Variants in MAP3K4 observed in about 807,000 individuals in gnomAD.
MAP3K4 encodes the protein MAP three kinase 1.
Under a neutral mutation model 185.6 loss-of-function variants are expected in MAP3K4, and 67 were observed. The observed-to-expected ratio is 0.36, with a 90% CI of 0.30 to 0.44. The LOEUF is 0.44. MAP3K4 is among the 20% of genes least tolerant of loss of function. The probability of loss-of-function intolerance (pLI) is 1.00; values close to 1 mark genes in which losing one functional copy is unlikely to be tolerated. For synonymous variants in MAP3K4, 702 were observed against 710.4 expected (o/e 0.99, Z 0.19); for missense variants, 1,551 against 1,995.1 (o/e 0.78, Z 4.24).
chr6:161,057,640 T>C (rs1164350877), intron 3 of MAP3K4, among the ~76,000 whole-genome samples: 1 of 152,124 alleles, frequency 6.6e-6, no homozygotes, highest in Non-Finnish European at 1.5e-5. Context: ...CCAGCAACAG[T>C]GTAGTTCTGG....
chr6:161,094,186 C>T (rs1325768740), intron 15 of MAP3K4, among the ~76,000 whole-genome samples: 1 of 152,164 alleles, frequency 6.6e-6, no homozygotes, highest in Non-Finnish European at 1.5e-5. Flanking sequence ...CGTTGTCTGC[C>T]AAGCAACAGG....
intron 1 of MAP3K4, among the ~76,000 whole-genome samples, chr6:161,013,183 T>C (rs563231296): frequency 1.3e-5 from 2 of 152,216 alleles, no homozygotes; most frequent in African/African-American, 4.8e-5. Flanking sequence ...TACTAAAAAC[T>C]GTTTGCTAAT....
chr6:161,067,924 A>T lies in MAP3K4; in HGVS notation c.1708-2684A>T, dbSNP rs1028592135. ...TGTCACTAACATAATTACTGTTGGC[A>T]TTAGGAGTACAATAGGGAATTTGAG... is the stretch of plus-strand genomic sequence containing the variant. On this transcript the variant is annotated intron_variant, in intron 3 of 26. Transcript: ENST00000392142. This position sits in a 1 kb window ranked among gnomAD's most constrained non-coding sequence, Gnocchi z 6.3. Among the ~76,000 whole-genome samples, 1 of 152,242 alleles carries T rather than the reference A, an allele frequency of 6.6e-6. No homozygotes were observed. Among genetic ancestry groups the T allele is most frequent in the Non-Finnish European group, 1.5e-5 (1 of 68,040 alleles).
chr6:161,020,257 G>C (rs1583119143), intron 1 of MAP3K4, among the ~76,000 whole-genome samples: 1 of 147,950 alleles, frequency 6.8e-6, no homozygotes, highest in East Asian at 2.1e-4. Flanking sequence ...TGAAAACTAT[G>C]GACTTTTCTT....
chr6:161,005,347 C>G (rs1781536260), intron 1 of MAP3K4, among the ~76,000 whole-genome samples: 1 of 151,808 alleles, frequency 6.6e-6, no homozygotes, highest in Non-Finnish European at 1.5e-5. Context: ...TCCACGTTGC[C>G]CAGACTGGTC....
In MAP3K4 at chr6:161,111,934, G is replaced by A; in HGVS notation, c.4495G>A (p.Val1499Met). The A allele has an allele frequency of 6.2e-7, 1 of 1,614,200 alleles. No individual in the cohort carries two copies. Among genetic ancestry groups the A allele is most frequent in the Non-Finnish European group, 8.5e-7 (1 of 1,180,024 alleles). Residue 1499 changes from valine (V) to methionine (M), a missense_variant, in exon 24 of 27, where the codon GTG (valine) becomes ATG (methionine). This residue lies in a region of MAP3K4 where 159 missense variants were observed against 300.5 expected (regional missense o/e 0.53). Coordinates refer to ENST00000392142, the MANE Select transcript of MAP3K4 (RefSeq NM_005922.4). ...CAATGCCCAGACCATGCCTGGTGAA[G>A]TGAACAGCACCCTGGGGACAGCAGG... ...KNNAQTMPGE[V>M]NSTLGTAAYM... is the part of the protein sequence containing the mutation.
intron 13 of MAP3K4, 150 bp downstream of exon 13, chr6:161,092,293 A>C: frequency 1.1e-6 from 1 of 909,096 alleles, no homozygotes; most frequent in Non-Finnish European, 1.6e-6. Flanking sequence ...ATGGAAAAAT[A>C]TGTAGAGAAA....
Position 161,107,040 on chromosome 6 carries a change from ACACGCG to A in MAP3K4, c.4048+337_4048+342del, listed in dbSNP as rs1260823325. Among the ~76,000 whole-genome samples, 2 of 50,722 alleles carry A rather than the reference ACACGCG, an allele frequency of 3.9e-5. No homozygotes were observed. The highest frequency in any genetic ancestry group is 7.2e-5 in the Non-Finnish European group (2 of 27,794). The allele number at this position is 50,722 out of a possible 152,430, so 33.3% of individuals were successfully genotyped here. ...TTCTAGTTTCTCTCTCTCTCTCTAC[ACACGCG>A]CGCGCACACACACACACACACACAC... On this transcript the variant is annotated intron_variant, in intron 20 of 26. Coordinates refer to ENST00000392142, the MANE Select transcript of MAP3K4 (RefSeq NM_005922.4). This position sits in a 1 kb window ranked among gnomAD's most constrained non-coding sequence, Gnocchi z 6.2.
rs548961315 is a variant in MAP3K4, at chr6:161,093,926, G to A, written c.3427+75G>A. 2.0e-5 allele frequency: 22 copies of A among 1,085,120 alleles called. No individual in the cohort carries two copies. The highest frequency in any genetic ancestry group is 2.0e-4 in the Middle Eastern group (1 of 5,022). 67.2% of individuals were successfully genotyped at this position (1,085,120 alleles called of 1,614,324 possible). On this transcript the variant is annotated intron_variant, in intron 15 of 26. Transcript: ENST00000392142. This position sits in a 1 kb window ranked among gnomAD's most constrained non-coding sequence, Gnocchi z 5.2. The stretch of plus-strand genomic sequence containing the variant: ...GACAGATCCTCTTGTAATTGCAGTC[G>A]TTTAAAATGGTATAAGAGGTGTTTT...
Position 161,115,798 on chromosome 6 carries a change from G to A in MAP3K4, c.4806+496G>A, listed in dbSNP as rs1447934396. Among the ~76,000 whole-genome samples the A allele has an allele frequency of 6.6e-6, 1 of 152,144 alleles. No individual in the cohort carries two copies. The highest frequency in any genetic ancestry group is 1.5e-5 in the Non-Finnish European group (1 of 68,038). On this transcript the variant is annotated intron_variant, in intron 26 of 26. Coordinates refer to ENST00000392142, the MANE Select transcript of MAP3K4 (RefSeq NM_005922.4). The surrounding 1 kb of genome is among the most constrained non-coding windows in gnomAD (Gnocchi z 6.0). ...ATGGAAGACAAAGTAAAGAAACTTG[G>A]AAACGCTCACCCTTCCGGGAGAGTG... is the stretch of plus-strand genomic sequence containing the variant.
At chr6:161,019,591 T>A (rs958404440) in intron 1 of MAP3K4, among the ~76,000 whole-genome samples, 2 of 152,150 alleles carry the variant, frequency 1.3e-5, no homozygotes, top group African/African-American at 4.8e-5. Context: ...ATTTTTCTAG[T>A]AGAGACAGGG....
chr6:161,060,429 G>T (rs1025925169), intron 3 of MAP3K4, among the ~76,000 whole-genome samples: 1 of 152,050 alleles, frequency 6.6e-6, no homozygotes, highest in African/African-American at 2.4e-5. Flanking sequence ...TGTCATTAAT[G>T]TATTGAAGTA....
chr6:161,083,350 G>T (rs1356062688), intron 6 of MAP3K4, among the ~76,000 whole-genome samples: 1 of 152,068 alleles, frequency 6.6e-6, no homozygotes, highest in Non-Finnish European at 1.5e-5. Context: ...GGCTTTTACT[G>T]GTTTTGTTTG....
intron 3 of MAP3K4, among the ~76,000 whole-genome samples, chr6:161,052,088 G>A (rs1784025551): frequency 6.6e-6 from 1 of 152,162 alleles, no homozygotes; most frequent in Non-Finnish European, 1.5e-5. Flanking sequence ...TTATAGGAGA[G>A]CAGCACATGA....
intron 3 of MAP3K4, among the ~76,000 whole-genome samples, chr6:161,055,819 G>A (rs932071626): frequency 6.6e-6 from 1 of 152,120 alleles, no homozygotes; most frequent in African/African-American, 2.4e-5. Flanking sequence ...GGTTTCTCCA[G>A]GAGTTACTAT....
Position 161,067,353 on chromosome 6 carries a change from A to G in MAP3K4, c.1708-3255A>G. 1 of 370,692 alleles carries G rather than the reference A, an allele frequency of 2.7e-6. No individual in the cohort carries two copies. The highest frequency in any genetic ancestry group is 2.1e-5 in the South Asian group (1 of 47,020). The allele number at this position is 370,692 out of a possible 1,614,324, so 23.0% of individuals were successfully genotyped here. ...GAATTTCTGATTAGCTTCCTTATGC[A>G]TCGATCTCAGTGAGCAGAGGGAACA... On this transcript the variant is annotated intron_variant, in intron 3 of 26. Coordinates refer to ENST00000392142, the MANE Select transcript of MAP3K4 (RefSeq NM_005922.4). The surrounding 1 kb of genome is among the most constrained non-coding windows in gnomAD (Gnocchi z 6.3).
rs187129018 is a variant in MAP3K4, at chr6:161,018,651, G to A, written c.153-15608G>A. Among the ~76,000 whole-genome samples the A allele has an allele frequency of 6.2e-3, 940 of 152,228 alleles. 1 individual carries two copies. The highest frequency in any genetic ancestry group is 0.058 in the Middle Eastern group (17 of 294). On this transcript the variant is annotated intron_variant, in intron 1 of 26. Coordinates refer to ENST00000392142, the MANE Select transcript of MAP3K4 (RefSeq NM_005922.4). ...CAGTAAAATCCAGGTAACAACAACA[G>A]AAAATGTATAATATCCAACATCTAA...
At position 161,026,169 on chromosome 6, in the gene MAP3K4, G is replaced by C. The variant is rs186383868; in HGVS notation, c.153-8090G>C. ...TTTTTGAGATGGAGTCTTGCTCTGTGGCCCAGGCTGGAGTGCAGTGGCGCG... is the reference window on the plus strand; with the variant it reads ...TTTTTGAGATGGAGTCTTGCTCTGTCGCCCAGGCTGGAGTGCAGTGGCGCG... On this transcript the variant is annotated intron_variant, in intron 1 of 26. Transcript: ENST00000392142. 2.6e-3 allele frequency among the ~76,000 whole-genome samples: 389 copies of C among 151,708 alleles called. 1 individual carries two copies. Among genetic ancestry groups the C allele is most frequent in the African/African-American group, 8.9e-3 (368 of 41,370 alleles).
rs1317219687 is a variant in MAP3K4 at position 161,034,336 on chromosome 6, C to T, written c.230C>T (p.Thr77Ile). 1 of 1,613,838 alleles carries T rather than the reference C, an allele frequency of 6.2e-7. No homozygotes were observed. The highest frequency in any genetic ancestry group is 1.3e-5 in the African/African-American group (1 of 74,994). ...GAAGACTTCTCCGATGAAACAAATA[C>T]AGAGAATCTTTATGGTACCTCTCCC... ...DLEDFSDETN[T>I]ENLYGTSPPS... Residue 77 changes from threonine (T) to isoleucine (I), a missense_variant, in exon 2 of 27, where the codon ACA (threonine) becomes ATA (isoleucine). Physicochemically the swap from Thr to Ile is moderately conservative, Grantham distance 89 (BLOSUM62 -1). Transcript: ENST00000392142. The surrounding 1 kb of genome is among the most constrained non-coding windows in gnomAD (Gnocchi z 4.4).
Sources: gnomAD v4.1 joint callset for allele counts (sites outside exome capture counted in the v4.1 genomes callset) on GRCh38, gnomAD v4.1.1 for gene constraint, gnomAD v4.1.1 regional missense constraint, Gnocchi (gnomAD v3.1) non-coding constraint, MANE v1.5 for transcripts, NCBI Gene and HGNC (gene_info 2026-07-23, HGNC 2026-07-21) for gene names.